The following IGSF21 variants were observed in gnomAD, a reference collection of about 807,000 sequenced individuals.
The protein encoded by IGSF21 is immunoglobin superfamily member 21, also known as immunoglobulin superfamily member 21.
In IGSF21, 28 loss-of-function variants were observed where a neutral mutation model predicts 46.8. The observed-to-expected ratio is 0.60, with a 90% CI of 0.44 to 0.82. The LOEUF is 0.82. Among genes scored for constraint, IGSF21 ranks in the 40% least tolerant of loss-of-function variants. The probability of loss-of-function intolerance (pLI) is 0.00; values close to 1 mark genes in which losing one functional copy is unlikely to be tolerated. For missense variants in IGSF21, 624 were observed against 665.5 expected, an observed-to-expected ratio of 0.94 and a Z score of 0.69; for synonymous variants, 284 against 273.6, an observed-to-expected ratio of 1.04 and a Z score of -0.38.
chr1:18,339,456 G>T (rs2085805804), intron 4 of IGSF21, among the ~76,000 whole-genome samples: 1 of 152,210 alleles, frequency 6.6e-6, no homozygotes, highest in African/African-American at 2.4e-5. Context: ...GATGGTCCTG[G>T]CATGGTGGCT....
intron 6 of IGSF21, among the ~76,000 whole-genome samples, chr1:18,367,647 A>C (rs2086181466): frequency 8.3e-6 from 1 of 119,994 alleles, no homozygotes. Flanking sequence ...GCTCTGTCAC[A>C]CCCAGGCTGG....
rs55775011 is a variant in IGSF21 at position 18,232,209 on chromosome 1, C to CTTTTTT, written c.183+4202_183+4207dup. Among the ~76,000 whole-genome samples the CTTTTTT allele has an allele frequency of 9.5e-5, 10 of 105,020 alleles. 4 individuals are homozygous for CTTTTTT. Among genetic ancestry groups the CTTTTTT allele is most frequent in the Non-Finnish European group, 1.5e-4 (8 of 51,826 alleles). The allele number at this position is 105,020 out of a possible 152,430, so 68.9% of individuals were successfully genotyped here. A position where few individuals can be genotyped will look rare whatever the true frequency, so the allele number is the denominator to read the frequency against. ...GCTCATATAGATAAGCTCCAGACAG[C>CTTTTTT]TTTTTTTTGGCTAATAGAGTAGGGG... On this transcript the variant is annotated intron_variant, in intron 2 of 9. Coordinates refer to ENST00000251296, the MANE Select transcript of IGSF21 (RefSeq NM_032880.5).
chr1:18,235,955 G>A (rs1332124752), intron 2 of IGSF21, among the ~76,000 whole-genome samples: 2 of 152,138 alleles, frequency 1.3e-5, no homozygotes, highest in Non-Finnish European at 2.9e-5. Context: ...ATGATTTGCA[G>A]GTAGAAGTTA....
intron 1 of IGSF21, among the ~76,000 whole-genome samples, chr1:18,177,315 G>T (rs2086809161): frequency 2.9e-5 from 1 of 34,944 alleles, no homozygotes; most frequent in Admixed American, 2.0e-4. Context: ...GCCCCGAAAA[G>T]TCCATGCAGA....
chr1:18,269,366 C>T (rs1302820072), intron 2 of IGSF21, among the ~76,000 whole-genome samples: 3 of 152,128 alleles, frequency 2.0e-5, no homozygotes, highest in Non-Finnish European at 4.4e-5. Flanking sequence ...AGCCTTGATC[C>T]TGTGTCATTG....
At chr1:18,176,979 AGGT>A (rs1557573112) in intron 1 of IGSF21, among the ~76,000 whole-genome samples, 2 of 152,104 alleles carry the variant, frequency 1.3e-5, no homozygotes, top group Non-Finnish European at 2.9e-5. Flanking sequence ...GATGTATTTG[AGGT>A]TGGTGAGTAT....
At chr1:18,374,681 C>T (rs2086263038) in intron 6 of IGSF21, among the ~76,000 whole-genome samples, 1 of 152,072 alleles carries the variant, frequency 6.6e-6, no homozygotes, top group Non-Finnish European at 1.5e-5. Flanking sequence ...ATTAATAGTC[C>T]TTTGATTTCA....
intron 4 of IGSF21, among the ~76,000 whole-genome samples, chr1:18,342,815 G>A (rs1170251194): frequency 2.0e-5 from 3 of 152,142 alleles, no homozygotes; most frequent in East Asian, 1.9e-4. Flanking sequence ...GATAGATCGC[G>A]TTTTGTTTAT....
At chr1:18,112,921 C>G (rs529129383) in intron 1 of IGSF21, 1 of 152,242 alleles carries the variant, frequency 6.6e-6, no homozygotes, top group Non-Finnish European at 1.5e-5. Flanking sequence ...AAAAGATGAA[C>G]GACAATCTAT....
chr1:18,355,032 T>A (rs1405004601), intron 4 of IGSF21, among the ~76,000 whole-genome samples: 1 of 152,248 alleles, frequency 6.6e-6, no homozygotes, highest in Non-Finnish European at 1.5e-5. Context: ...ATGGGAAGAC[T>A]GATGACCACA....
At chr1:18,343,986 G>C (rs1482041901) in intron 4 of IGSF21, among the ~76,000 whole-genome samples, 1 of 152,122 alleles carries the variant, frequency 6.6e-6, no homozygotes. Flanking sequence ...AGGAAAAGAG[G>C]GTACAGAAGG....
rs894659677 is a variant in IGSF21, at chr1:18,283,682, C to T, written c.184-8184C>T. Reference sequence around the variant, plus strand: ...CACCTCTTCCCTCAACACCCCTGCCCTGGTTTTCCTCTCCCTAGAATACCT... The same window carrying T: ...CACCTCTTCCCTCAACACCCCTGCCTTGGTTTTCCTCTCCCTAGAATACCT... On this transcript the variant is annotated intron_variant, in intron 2 of 9. Coordinates refer to ENST00000251296, the MANE Select transcript of IGSF21 (RefSeq NM_032880.5). Among the ~76,000 whole-genome samples, 4 of 152,248 alleles carry T rather than the reference C, an allele frequency of 2.6e-5. No individual in the cohort carries two copies. In the East Asian group the frequency reaches 7.8e-4, roughly 30 times the overall value.
chr1:18,377,054 T>C (rs1569907707), intron 8 of IGSF21, 62 bp downstream of exon 8: 3 of 1,506,354 alleles, frequency 2.0e-6, no homozygotes, highest in Middle Eastern at 1.8e-4. Flanking sequence ...GTCTGGGAGG[T>C]TTCCCCAGGA....
chr1:18,216,840 G>T (rs574030011), intron 1 of IGSF21, among the ~76,000 whole-genome samples: 14 of 152,272 alleles, frequency 9.2e-5, no homozygotes, highest in Admixed American at 3.3e-4. Context: ...AGATATGGTT[G>T]CAGTAATTGG....
chr1:18,368,807 C>A (rs1212793309), intron 6 of IGSF21, among the ~76,000 whole-genome samples: 1 of 152,130 alleles, frequency 6.6e-6, no homozygotes, highest in Non-Finnish European at 1.5e-5. Context: ...CCCCACCCCA[C>A]CAAGAATAAG....
chr1:18,256,314 CTAAAT>C (rs2124532246), intron 2 of IGSF21, among the ~76,000 whole-genome samples: 1 of 152,308 alleles, frequency 6.6e-6, no homozygotes, highest in East Asian at 1.9e-4. Flanking sequence ...CCTGTGATTC[CTAAAT>C]TACAGCATTT....
intron 1 of IGSF21, among the ~76,000 whole-genome samples, chr1:18,200,319 A>G (rs568159935): frequency 3.3e-5 from 5 of 152,272 alleles, no homozygotes; most frequent in African/African-American, 1.2e-4. Context: ...TTTGCTTCCT[A>G]CCTGAATTAG....
chr1:18,237,900 T>A (rs2084687868), intron 2 of IGSF21, among the ~76,000 whole-genome samples: 1 of 152,148 alleles, frequency 6.6e-6, no homozygotes, highest in South Asian at 2.1e-4. Flanking sequence ...ATATTTGGTA[T>A]TTGAAAGAAA....
chr1:18,293,490 T>A (rs768014319), intron 3 of IGSF21, among the ~76,000 whole-genome samples: 2 of 152,114 alleles, frequency 1.3e-5, no homozygotes, highest in African/African-American at 4.8e-5. Flanking sequence ...GCTGAGAATG[T>A]GGACGTGAAG....
Sources: gnomAD v4.1 joint callset for allele counts (sites outside exome capture counted in the v4.1 genomes callset) on GRCh38, gnomAD v4.1.1 for gene constraint, MANE v1.5 for transcripts, NCBI Gene and HGNC (gene_info 2026-07-23, HGNC 2026-07-21) for gene names.